The following SORCS2 variants were observed in gnomAD, a reference collection of about 807,000 sequenced individuals.
SORCS2 encodes the protein VPS10 domain-containing receptor SorCS2.
In SORCS2, 100 loss-of-function variants were observed where a neutral mutation model predicts 141.6. The observed-to-expected ratio is 0.71, with a 90% CI of 0.60 to 0.83. The LOEUF is 0.83. Ranked by LOEUF, SORCS2 falls within the 40% of genes least tolerant of loss-of-function variation. The pLI is 0.00. For missense variants in SORCS2, 1,646 were observed against 1,560.2 expected (o/e 1.05, Z -0.93); for synonymous variants, 789 against 676.9 (o/e 1.17, Z -2.57).
chr4:7,693,947 G>A (rs1206799497), intron 11 of SORCS2, among the ~76,000 whole-genome samples: 1 of 152,244 alleles, frequency 6.6e-6, no homozygotes, highest in African/African-American at 2.4e-5. Flanking sequence ...GGCCCTTCTA[G>A]AGATGGGAGC....
Position 7,725,182 on chromosome 4 carries a change from G to A in SORCS2, c.2640G>A (p.Val880=), listed in dbSNP as rs1304115989. 3 of 1,613,490 alleles carry A rather than the reference G, an allele frequency of 1.9e-6. No homozygotes were observed. The highest frequency in any genetic ancestry group is 3.3e-4 in the Middle Eastern group (2 of 6,058). ...CCCTGCAGGCCCTCTACCTGGAGGT[G>A]GTTCCTGTCATTGGCCTCAACCAGG... is the stretch of plus-strand genomic sequence containing the variant. The part of the protein sequence containing the change: ...NSPLQALYLE[V]VPVIGLNQEV... The change falls in exon 20 of 27, where the codon GTG becomes GTA. Residue 880 remains valine (V), a synonymous_variant. Transcript: ENST00000507866.
At chr4:7,333,462 G>A (rs1294988192) in intron 1 of SORCS2, among the ~76,000 whole-genome samples, 2 of 152,204 alleles carry the variant, frequency 1.3e-5, no homozygotes, top group African/African-American at 2.4e-5. Flanking sequence ...TTGGTGGGAC[G>A]TGCTCCCTAA....
chr4:7,676,796 CCTTTCTGTCTCT>C (rs1560475462), intron 9 of SORCS2, among the ~76,000 whole-genome samples: 1 of 73,660 alleles, frequency 1.4e-5, no homozygotes, highest in African/African-American at 5.0e-5. Flanking sequence ...CTGAAGTCTG[CCTTTCTGTCTCT>C]CTCTCTCTCT....
intron 2 of SORCS2, among the ~76,000 whole-genome samples, chr4:7,489,084 G>A (rs1731162017): frequency 6.6e-6 from 1 of 152,194 alleles, no homozygotes; most frequent in East Asian, 1.9e-4. Flanking sequence ...ATTTCAGTTG[G>A]GGATATGGTC....
chr4:7,638,193 AC>A (rs1720394493), intron 3 of SORCS2, 134 bp from the exon 4 acceptor site: 2 of 1,133,302 alleles, frequency 1.8e-6, no homozygotes, highest in Admixed American at 6.0e-5. Flanking sequence ...GGAGAGGCAC[AC>A]CCGGCCCAGG....
At chr4:7,679,749 CTT>C (rs55936772) in intron 9 of SORCS2, among the ~76,000 whole-genome samples, 4,575 of 141,186 alleles carry the variant, frequency 0.032, 103 homozygotes, top group Middle Eastern at 0.064. Context: ...ACTTGTGGGA[CTT>C]TTTTTTTTTT....
chr4:7,456,480 G>GT (rs1553866877), intron 2 of SORCS2, among the ~76,000 whole-genome samples: 15 of 138,674 alleles, frequency 1.1e-4, no homozygotes, highest in African/African-American at 5.0e-4. Context: ...AAGGGTGAGA[G>GT]GGGGGGGGCC....
chr4:7,371,933 C>G (rs1453030332), intron 1 of SORCS2, among the ~76,000 whole-genome samples: 4 of 152,136 alleles, frequency 2.6e-5, no homozygotes, highest in African/African-American at 9.7e-5. Flanking sequence ...TGTGTTGGCT[C>G]TGGCAGGAAG....
chr4:7,473,517 G>A (rs1403746288), intron 2 of SORCS2, among the ~76,000 whole-genome samples: 1 of 152,192 alleles, frequency 6.6e-6, no homozygotes, highest in Admixed American at 6.5e-5. Flanking sequence ...ACATTCAGAG[G>A]CAGGATGCCC....
chr4:7,704,344 C>A, intron 14 of SORCS2, 60 bp downstream of exon 14: 1 of 1,424,796 alleles, frequency 7.0e-7, no homozygotes, highest in Non-Finnish European at 9.6e-7. Context: ...CTGGGCCTCC[C>A]TGGGCCTACT....
chr4:7,350,436 C>T (rs755202043), intron 1 of SORCS2, among the ~76,000 whole-genome samples: 13 of 152,256 alleles, frequency 8.5e-5, no homozygotes, highest in African/African-American at 2.4e-4. Context: ...GGGAGGGCCT[C>T]GGGTGCCCTG....
intron 1 of SORCS2, among the ~76,000 whole-genome samples, chr4:7,269,970 C>T (rs554826032): frequency 2.0e-5 from 3 of 152,334 alleles, no homozygotes; most frequent in Admixed American, 2.0e-4. Context: ...ACCTCTGCCT[C>T]CTGGGGTCAA....
intron 2 of SORCS2, among the ~76,000 whole-genome samples, chr4:7,458,983 G>A (rs1214733119): frequency 1.3e-5 from 2 of 152,178 alleles, no homozygotes; most frequent in East Asian, 3.9e-4. Context: ...GGAGTGTGGG[G>A]GCCGGCAGGG....
chr4:7,680,599 C>A (rs1471733758), intron 9 of SORCS2, among the ~76,000 whole-genome samples: 1 of 152,234 alleles, frequency 6.6e-6, no homozygotes, highest in Non-Finnish European at 1.5e-5. Flanking sequence ...GGAAGGCTAC[C>A]CTCTAGACCA....
intron 13 of SORCS2, 28 bp from the exon 14 acceptor site, chr4:7,704,149 A>C (rs756138491): frequency 8.8e-6 from 14 of 1,594,344 alleles, no homozygotes; most frequent in Non-Finnish European, 1.2e-5. Flanking sequence ...AGCCCACCCC[A>C]GAGATGCTGA....
At position 7,286,810 on chromosome 4, in the gene SORCS2, C is replaced by T. The variant is rs1716257123; in HGVS notation, c.480+93684C>T. Among the ~76,000 whole-genome samples the T allele has an allele frequency of 2.6e-5, 4 of 152,182 alleles. No homozygotes were observed. Among genetic ancestry groups the T allele is most frequent in the Non-Finnish European group, 4.4e-5 (3 of 68,038 alleles). ...CTGGGAGGCGTCTTGGGTCCCAGACCGTGGAACCTGGGTGCTGCTTTTCAG... is the reference window on the plus strand; with the variant it reads ...CTGGGAGGCGTCTTGGGTCCCAGACTGTGGAACCTGGGTGCTGCTTTTCAG... On this transcript the variant is annotated intron_variant, in intron 1 of 26. Transcript: ENST00000507866. The surrounding 1 kb of genome is among the most constrained non-coding windows in gnomAD (Gnocchi z 4.1).
intron 1 of SORCS2, among the ~76,000 whole-genome samples, chr4:7,266,248 C>T (rs1311399612): frequency 6.6e-6 from 1 of 152,164 alleles, no homozygotes; most frequent in Non-Finnish European, 1.5e-5. Flanking sequence ...TGGGAGGGCA[C>T]AGCTTGGTGG....
At chr4:7,440,995 G>A (rs1041757912) in intron 2 of SORCS2, among the ~76,000 whole-genome samples, 1 of 152,212 alleles carries the variant, frequency 6.6e-6, no homozygotes, top group Non-Finnish European at 1.5e-5. Context: ...CGTGGGGTGA[G>A]ACCGTGGGGG....
chr4:7,239,492 T>G (rs2108788145), intron 1 of SORCS2, among the ~76,000 whole-genome samples: 1 of 152,330 alleles, frequency 6.6e-6, no homozygotes, highest in South Asian at 2.1e-4. Context: ...TTTTTGAATC[T>G]TCCTGGTCCC....
Sources: allele counts gnomAD v4.1 joint callset (sites outside exome capture counted in the v4.1 genomes callset), GRCh38; gene constraint gnomAD v4.1.1; non-coding constraint Gnocchi (gnomAD v3.1); transcripts MANE v1.5; gene names NCBI Gene and HGNC (gene_info 2026-07-23, HGNC 2026-07-21).